Variants in PID1 observed in about 807,000 individuals in gnomAD.
PID1 encodes the protein PTB-containing, cubilin and LRP1-interacting protein.
PID1 carries 10 observed loss-of-function variants against 19.1 expected under a neutral mutation model. That is an observed-to-expected ratio of 0.52 (90% CI 0.32 to 0.89). The LOEUF (loss-of-function observed/expected upper bound fraction) is 0.89. Ranked by LOEUF, PID1 falls within the 40% of genes least tolerant of loss-of-function variation. The pLI, the probability that PID1 is intolerant of heterozygous loss-of-function variation, is 0.03. For synonymous variants in PID1, 130 were observed against 116.0 expected (o/e 1.12, Z -0.78); for missense variants, 248 against 285.3 (o/e 0.87, Z 0.94).
Position 229,105,876 on chromosome 2 carries a change from G to A in PID1, c.177+49942C>T, listed in dbSNP as rs569428648. Among the ~76,000 whole-genome samples the A allele has an allele frequency of 2.0e-5, 3 of 152,124 alleles. No homozygotes were observed. The South Asian group carries it at 6.2e-4, about 32-fold the overall frequency. ...AGGCACATCATGAGGTCAGGAGATC[G>A]AGACCATCCTGGCTAACACGGTGAA... On this transcript the variant is annotated intron_variant, in intron 2 of 2. Transcript: ENST00000392055.
chr2:229,176,067 G>A (rs116099938), intron 1 of PID1, among the ~76,000 whole-genome samples: 2,763 of 151,554 alleles, frequency 0.018, 87 homozygotes, highest in African/African-American at 0.063. Context: ...TGTAAATGTA[G>A]AACAACTTTA....
At chr2:229,129,869 C>T (rs552582991) in intron 2 of PID1, among the ~76,000 whole-genome samples, 8 of 152,278 alleles carry the variant, frequency 5.3e-5, no homozygotes, top group Admixed American at 2.0e-4. Context: ...TGTTCACATT[C>T]GTTATAATGA....
intron 2 of PID1, among the ~76,000 whole-genome samples, chr2:229,058,773 T>C (rs1477396378): frequency 6.8e-6 from 1 of 148,136 alleles, no homozygotes; most frequent in Non-Finnish European, 1.5e-5. Flanking sequence ...AGTCAGAATC[T>C]ATTTTTTCCC....
At chr2:229,121,305 T>G (rs1479026293) in intron 2 of PID1, among the ~76,000 whole-genome samples, 1 of 152,178 alleles carries the variant, frequency 6.6e-6, no homozygotes, top group Non-Finnish European at 1.5e-5. Context: ...CTCCCTAGTT[T>G]ATATCTGGCT....
At chr2:229,114,174 A>AACACACACACACAC (rs151089843) in intron 2 of PID1, among the ~76,000 whole-genome samples, 64 of 124,668 alleles carry the variant, frequency 5.1e-4, no homozygotes, top group African/African-American at 1.7e-3. Flanking sequence ...TCTCCACACA[A>AACACACACACACAC]ACACACACAC....
intron 1 of PID1, among the ~76,000 whole-genome samples, chr2:229,267,011 C>G (rs577751880): frequency 1.3e-5 from 2 of 152,022 alleles, no homozygotes; most frequent in South Asian, 4.2e-4. Flanking sequence ...GTGGCATCAT[C>G]ATAGAGAAGA....
intron 1 of PID1, among the ~76,000 whole-genome samples, chr2:229,193,684 G>C (rs988867796): frequency 2.3e-4 from 35 of 151,814 alleles, no homozygotes; most frequent in African/African-American, 7.7e-4. Context: ...GAGTGTGTGA[G>C]AGAGTATGTG....
chr2:229,220,821 G>T (rs568546169), intron 1 of PID1, among the ~76,000 whole-genome samples: 1 of 151,616 alleles, frequency 6.6e-6, no homozygotes, highest in East Asian at 1.9e-4. Flanking sequence ...CAATAAGAAA[G>T]CTATTTAGCT....
At chr2:229,087,278 C>A (rs1419460317) in intron 2 of PID1, among the ~76,000 whole-genome samples, 1 of 152,064 alleles carries the variant, frequency 6.6e-6, no homozygotes, top group Admixed American at 6.6e-5. Flanking sequence ...CTGTGGAACT[C>A]AGCATATTTT....
chr2:229,187,730 C>T (rs1691163972), intron 1 of PID1, among the ~76,000 whole-genome samples: 1 of 152,108 alleles, frequency 6.6e-6, no homozygotes, highest in East Asian at 1.9e-4. Context: ...CTATAATTTC[C>T]CCTGGCTAAA....
intron 1 of PID1, among the ~76,000 whole-genome samples, chr2:229,162,850 C>T (rs1361223274): frequency 1.3e-5 from 2 of 152,090 alleles, no homozygotes; most frequent in Admixed American, 6.5e-5. Context: ...TTTTTTGTGA[C>T]GTTTAATAAG....
At chr2:229,159,412 G>A (rs868538569) in intron 1 of PID1, among the ~76,000 whole-genome samples, 1 of 152,162 alleles carries the variant, frequency 6.6e-6, no homozygotes, top group African/African-American at 2.4e-5. Context: ...AAGTAAGGGA[G>A]AGTAAGCTAG....
At chr2:229,150,229 C>CA (rs11309150) in intron 2 of PID1, among the ~76,000 whole-genome samples, 101 of 123,004 alleles carry the variant, frequency 8.2e-4, no homozygotes, top group African/African-American at 1.4e-3. Context: ...GAGTGAGACT[C>CA]AAAAAAAAAA....
intron 1 of PID1, among the ~76,000 whole-genome samples, chr2:229,257,512 A>G (rs1329709613): frequency 6.6e-6 from 1 of 152,190 alleles, no homozygotes; most frequent in Non-Finnish European, 1.5e-5. Flanking sequence ...TTGCTGTCTC[A>G]GGATAACCAC....
At chr2:229,182,873 C>T (rs962252587) in intron 1 of PID1, among the ~76,000 whole-genome samples, 1 of 152,204 alleles carries the variant, frequency 6.6e-6, no homozygotes, top group Non-Finnish European at 1.5e-5. Context: ...GTTCAGGCTG[C>T]TCAGCATTCT....
rs570766049 is a variant in PID1 at position 229,082,748 on chromosome 2, A to G, written c.178-56640T>C. On this transcript the variant is annotated intron_variant, in intron 2 of 2. Coordinates refer to ENST00000392055, the MANE Select transcript of PID1 (RefSeq NM_001100818.2). ...CCAAAGATCTGAATGATTTTGAAGT[A>G]CATTCTTCTTCACATCTTCCATAAG... Among the ~76,000 whole-genome samples, 3 of 152,308 alleles carry G rather than the reference A, an allele frequency of 2.0e-5. No homozygotes were observed. The East Asian group carries it at 5.8e-4, about 29-fold the overall frequency.
At chr2:229,147,417 C>A (rs914650957) in intron 2 of PID1, among the ~76,000 whole-genome samples, 1 of 151,960 alleles carries the variant, frequency 6.6e-6, no homozygotes, top group Admixed American at 6.6e-5. Context: ...GTAGGAAAAT[C>A]AAAAGTGTAT....
chr2:229,202,621 T>A (rs1343195068), intron 1 of PID1, among the ~76,000 whole-genome samples: 1 of 152,066 alleles, frequency 6.6e-6, no homozygotes, highest in Non-Finnish European at 1.5e-5. Flanking sequence ...ATAAATAATG[T>A]ACTTCTGCAT....
At chr2:229,168,395 C>A (rs1389238953) in intron 1 of PID1, among the ~76,000 whole-genome samples, 1 of 152,020 alleles carries the variant, frequency 6.6e-6, no homozygotes, top group Non-Finnish European at 1.5e-5. Context: ...GGTAATTTCT[C>A]TTGACCTATA....
Sources: allele counts gnomAD v4.1 joint callset (sites outside exome capture counted in the v4.1 genomes callset), GRCh38; gene constraint gnomAD v4.1.1; transcripts MANE v1.5; gene names NCBI Gene and HGNC (gene_info 2026-07-23, HGNC 2026-07-21).